The following GFPT1 variants were observed in gnomAD, a reference collection of about 807,000 sequenced individuals.
GFPT1 encodes glutamine--fructose-6-phosphate transaminase 1.
A neutral mutation model predicts 92.0 loss-of-function variants in GFPT1; 40 were observed. The observed-to-expected ratio is 0.43, with a 90% CI of 0.34 to 0.57. GFPT1 has a LOEUF of 0.57. Among genes scored for constraint, GFPT1 ranks in the 20% least tolerant of loss-of-function variants. The pLI is 0.02. For missense variants in GFPT1, 448 were observed against 869.1 expected (o/e 0.52, Z 6.09); for synonymous variants, 269 against 280.6 (o/e 0.96, Z 0.41).
intron 9 of GFPT1, among the ~76,000 whole-genome samples, chr2:69,353,367 T>C (rs1462506516): frequency 6.6e-6 from 1 of 152,066 alleles, no homozygotes; most frequent in East Asian, 1.9e-4. Flanking sequence ...CAAGACTTCC[T>C]TTTTACAAAT....
At chr2:69,377,038 G>A (rs1161920920) in intron 1 of GFPT1, among the ~76,000 whole-genome samples, 1 of 151,646 alleles carries the variant, frequency 6.6e-6, no homozygotes. Flanking sequence ...CTGAAACTCC[G>A]TCTCCACAAA....
chr2:69,375,437 C>A (rs79018697), intron 1 of GFPT1, among the ~76,000 whole-genome samples: 1,673 of 152,202 alleles, frequency 0.011, 27 homozygotes, highest in African/African-American at 0.037. Flanking sequence ...ATTGTTGATA[C>A]CCAACAGGAA....
intron 15 of GFPT1, among the ~76,000 whole-genome samples, chr2:69,331,386 A>G (rs1670660240): frequency 6.6e-6 from 1 of 152,212 alleles, no homozygotes; most frequent in South Asian, 2.1e-4. Context: ...CAAAAAAATT[A>G]GACAAATGCT....
At chr2:69,356,371 C>T in intron 7 of GFPT1, 125 bp downstream of exon 7, 1 of 767,892 alleles carries the variant, frequency 1.3e-6, no homozygotes, top group Non-Finnish European at 2.4e-6. Context: ...TGAAAATATG[C>T]TCACATGAAT....
intron 2 of GFPT1, among the ~76,000 whole-genome samples, chr2:69,372,571 C>CA (rs771508880): frequency 2.9e-3 from 399 of 136,690 alleles, no homozygotes; most frequent in Non-Finnish European, 3.3e-3. Context: ...AGACTCACCT[C>CA]AAAAAAAAAA....
chr2:69,353,021 G>C (rs1671249528), intron 9 of GFPT1, among the ~76,000 whole-genome samples: 1 of 152,072 alleles, frequency 6.6e-6, no homozygotes, highest in South Asian at 2.1e-4. Flanking sequence ...ACTCCAGCCT[G>C]GGCAACAGAA....
intron 7 of GFPT1, among the ~76,000 whole-genome samples, chr2:69,355,396 T>G (rs968120812): frequency 7.7e-5 from 7 of 90,586 alleles, no homozygotes; most frequent in Non-Finnish European, 1.2e-4. Context: ...GTTTTTGGTT[T>G]TTTTTTAATT....
At chr2:69,341,431 C>T (rs781200876) in intron 13 of GFPT1, among the ~76,000 whole-genome samples, 1 of 152,254 alleles carries the variant, frequency 6.6e-6, no homozygotes, top group Admixed American at 6.5e-5. Flanking sequence ...AAATAAATGG[C>T]TCCTAATAAA....
intron 19 of GFPT1, among the ~76,000 whole-genome samples, chr2:69,326,640 C>T (rs1670538960): frequency 6.6e-6 from 1 of 152,108 alleles, no homozygotes; most frequent in Non-Finnish European, 1.5e-5. Flanking sequence ...CCAATAGCTG[C>T]CCTGTTAAGA....
intron 12 of GFPT1, among the ~76,000 whole-genome samples, chr2:69,344,389 T>G (rs1243864033): frequency 6.6e-6 from 1 of 152,138 alleles, no homozygotes; most frequent in Admixed American, 6.5e-5. Context: ...AATTTGATGC[T>G]TTTGAGAAAA....
chr2:69,367,616 C>T (rs1671642294), intron 3 of GFPT1, among the ~76,000 whole-genome samples: 2 of 152,192 alleles, frequency 1.3e-5, no homozygotes, highest in African/African-American at 4.8e-5. Context: ...CCACCTCGGC[C>T]TCCCAAAGTG....
At chr2:69,386,843 G>GC (rs1672140433) in intron 1 of GFPT1, among the ~76,000 whole-genome samples, 1 of 152,092 alleles carries the variant, frequency 6.6e-6, no homozygotes. Flanking sequence ...GGCAAAGGGG[G>GC]CCCGCCTTCC....
In GFPT1 at chr2:69,333,219, T is replaced by C. The variant is rs571458873; in HGVS notation, c.1483-3421A>G. On this transcript the variant is annotated intron_variant, in intron 15 of 19. Coordinates refer to ENST00000357308, the MANE Select transcript of GFPT1 (RefSeq NM_001244710.2). ...CCAGGCCAGAGGTATCTTGGACCCC[T>C]GGAATACTTAAACTGTTTCCAATCC... Among the ~76,000 whole-genome samples the C allele has an allele frequency of 2.0e-5, 3 of 152,330 alleles. No individual in the cohort carries two copies. In the East Asian group the frequency reaches 5.8e-4, roughly 29 times the overall value.
At chr2:69,363,372 G>A (rs1163678778) in intron 4 of GFPT1, among the ~76,000 whole-genome samples, 173 bp downstream of exon 4, 1 of 152,084 alleles carries the variant, frequency 6.6e-6, no homozygotes, top group Admixed American at 6.6e-5. Context: ...CCAAAGTGCT[G>A]GGATTACAGG....
chr2:69,352,929 C>T (rs922926814), intron 9 of GFPT1, among the ~76,000 whole-genome samples: 57 of 151,890 alleles, frequency 3.8e-4, no homozygotes, highest in African/African-American at 1.4e-3. Context: ...ACTGGTAGTC[C>T]CAGCTACTCT....
intron 15 of GFPT1, among the ~76,000 whole-genome samples, chr2:69,336,387 A>G (rs13406505): frequency 0.038 from 5,710 of 151,162 alleles, 390 homozygotes; most frequent in African/African-American, 0.13. Flanking sequence ...GAATTTTTAT[A>G]TAAGAATCAC....
chr2:69,363,233 A>C (rs1671519572), intron 4 of GFPT1, among the ~76,000 whole-genome samples: 1 of 152,150 alleles, frequency 6.6e-6, no homozygotes, highest in Admixed American at 6.5e-5. Context: ...TCTCCCGAGT[A>C]GCTGAGACTA....
Position 69,326,953 on chromosome 2 carries a change from C to T in GFPT1, c.2016G>A (p.Gln672=). ...GCACAGCAAGGTGGAAAGCCAGCAA[C>T]TGTAAAGGGATCACGCTGAGAATGC... ...LQGILSVIPL[Q]LLAFHLAVLR... The change falls in exon 19 of 20, where the codon CAG becomes CAA. Residue 672 remains glutamine, a synonymous_variant. Transcript: ENST00000357308. 1.2e-6 allele frequency: 2 copies of T among 1,614,204 alleles called. No individual in the cohort carries two copies. Among genetic ancestry groups the T allele is most frequent in the South Asian group, 2.2e-5 (2 of 91,090 alleles).
intron 1 of GFPT1, among the ~76,000 whole-genome samples, chr2:69,377,922 A>G (rs1022596733): frequency 6.6e-6 from 1 of 152,208 alleles, no homozygotes; most frequent in African/African-American, 2.4e-5. Flanking sequence ...GGCATTCACA[A>G]CTCACAATGA....
Sources: allele counts gnomAD v4.1 joint callset (sites outside exome capture counted in the v4.1 genomes callset), GRCh38; gene constraint gnomAD v4.1.1; transcripts MANE v1.5; gene names NCBI Gene and HGNC (gene_info 2026-07-23, HGNC 2026-07-21).